NRG3: variants seen among roughly 807,000 people sequenced by gnomAD.
The protein encoded by NRG3 is pro-neuregulin-3, membrane-bound isoform.
NRG3 carries 31 observed loss-of-function variants against 66.9 expected under a neutral mutation model. The ratio of observed to expected loss-of-function variants is 0.46; its 90% CI spans 0.35 to 0.63. The LOEUF (loss-of-function observed/expected upper bound fraction) is 0.63, where lower values mean the gene tolerates loss of function less well. Ranked by LOEUF, NRG3 falls within the 20% of genes least tolerant of loss-of-function variation. NRG3 has a pLI of 0.00. For synonymous variants in NRG3, 393 were observed against 359.4 expected (o/e 1.09, Z -1.06); for missense variants, 910 against 878.9 (o/e 1.04, Z -0.45).
chr10:82,778,388 C>T (rs1290892118), intron 3 of NRG3, among the ~76,000 whole-genome samples: 3 of 152,064 alleles, frequency 2.0e-5, no homozygotes, highest in Non-Finnish European at 4.4e-5. Context: ...CTGGGGAGGC[C>T]TCAGGAAACT....
chr10:82,977,533 T>C (rs2146256), intron 7 of NRG3, among the ~76,000 whole-genome samples: 140,014 of 150,764 alleles, frequency 0.93, 65,020 homozygotes, highest in Middle Eastern at 0.98. Context: ...CACTTGAACC[T>C]GGGAGGTAGA....
chr10:82,030,484 T>G (rs2062514357), intron 1 of NRG3, among the ~76,000 whole-genome samples: 1 of 152,066 alleles, frequency 6.6e-6, no homozygotes, highest in African/African-American at 2.4e-5. Context: ...ATGCAGTAGT[T>G]ACACATAAGA....
chr10:82,793,280 T>C (rs1317417967), intron 3 of NRG3, among the ~76,000 whole-genome samples: 1 of 152,174 alleles, frequency 6.6e-6, no homozygotes, highest in Non-Finnish European at 1.5e-5. Flanking sequence ...CATTTTACTT[T>C]TCCTCTCTGT....
chr10:82,442,530 G>T (rs561093424), intron 2 of NRG3, among the ~76,000 whole-genome samples: 1 of 152,192 alleles, frequency 6.6e-6, no homozygotes, highest in African/African-American at 2.4e-5. Context: ...CTTCAAGAAG[G>T]CTTATGGAAC....
chr10:82,037,054 T>C (rs1309968421), intron 1 of NRG3, among the ~76,000 whole-genome samples: 3 of 152,172 alleles, frequency 2.0e-5, no homozygotes, highest in Non-Finnish European at 4.4e-5. Flanking sequence ...ACTGTTGATT[T>C]ACTTTGAATT....
intron 3 of NRG3, among the ~76,000 whole-genome samples, chr10:82,847,369 A>G (rs1329191989): frequency 6.6e-6 from 1 of 152,214 alleles, no homozygotes; most frequent in Non-Finnish European, 1.5e-5. Context: ...GTAGATATCA[A>G]GTAGGCAAAT....
intron 1 of NRG3, among the ~76,000 whole-genome samples, chr10:82,216,758 C>T (rs533497874): frequency 6.6e-6 from 1 of 152,038 alleles, no homozygotes; most frequent in Non-Finnish European, 1.5e-5. Context: ...TCTGGTGAAT[C>T]TTTCTAAACT....
intron 4 of NRG3, among the ~76,000 whole-genome samples, chr10:82,919,878 A>C (rs1846255232): frequency 6.6e-6 from 1 of 152,182 alleles, no homozygotes; most frequent in South Asian, 2.1e-4. Flanking sequence ...TGACCAAATG[A>C]AAACAAAAAT....
intron 2 of NRG3, among the ~76,000 whole-genome samples, chr10:82,459,630 A>G (rs1222208001): frequency 6.6e-6 from 1 of 152,170 alleles, no homozygotes; most frequent in Non-Finnish European, 1.5e-5. Context: ...TCTCTGCATC[A>G]TCCTTTAAAT....
At chr10:82,034,813 G>GTTTTCTTGTC (rs1256752204) in intron 1 of NRG3, among the ~76,000 whole-genome samples, 1 of 152,030 alleles carries the variant, frequency 6.6e-6, no homozygotes, top group Non-Finnish European at 1.5e-5. Context: ...TGGGCTCAGT[G>GTTTTCTTGTC]AGAGCAGAGG....
chr10:82,547,241 T>C (rs1306855621), intron 2 of NRG3, among the ~76,000 whole-genome samples: 1 of 152,014 alleles, frequency 6.6e-6, no homozygotes, highest in African/African-American at 2.4e-5. Context: ...TAATGCTACA[T>C]AATTTAATTT....
rs1055854987 is a variant in NRG3, at chr10:82,926,995, G to A, written c.1055-24474G>A. ...GGTCTCCAGTTTAGTTTTCTGGGAA[G>A]GGCTCTCCCTGGCTCAGTTCCTCAG... is the stretch of plus-strand genomic sequence containing the variant. On this transcript the variant is annotated intron_variant, in intron 4 of 8. Transcript: ENST00000372141. Among the ~76,000 whole-genome samples, 3 of 152,116 alleles carry A rather than the reference G, an allele frequency of 2.0e-5. No homozygotes were observed. The East Asian group carries it at 5.8e-4, about 29-fold the overall frequency.
intron 3 of NRG3, among the ~76,000 whole-genome samples, chr10:82,777,891 A>T (rs368550877): frequency 5.0e-4 from 76 of 152,346 alleles, no homozygotes; most frequent in African/African-American, 1.7e-3. Flanking sequence ...AGGGGGCAAT[A>T]CAAAGGTATC....
At chr10:82,654,884 A>G (rs1048191278) in intron 2 of NRG3, among the ~76,000 whole-genome samples, 2 of 152,074 alleles carry the variant, frequency 1.3e-5, no homozygotes, top group Non-Finnish European at 2.9e-5. Context: ...ATATATTTTT[A>G]AAGTGTTATA....
At chr10:82,081,171 C>T (rs994027327) in intron 1 of NRG3, among the ~76,000 whole-genome samples, 1 of 152,066 alleles carries the variant, frequency 6.6e-6, no homozygotes, top group Non-Finnish European at 1.5e-5. Flanking sequence ...ATCTGACATC[C>T]CACGGTTTAA....
chr10:82,974,576 G>T (rs1434066478), intron 7 of NRG3, among the ~76,000 whole-genome samples: 1 of 152,204 alleles, frequency 6.6e-6, no homozygotes, highest in Non-Finnish European at 1.5e-5. Flanking sequence ...AAATGATGAA[G>T]TTTATGACTA....
At chr10:82,321,386 A>G (rs1401604336) in intron 1 of NRG3, among the ~76,000 whole-genome samples, 4 of 152,156 alleles carry the variant, frequency 2.6e-5, no homozygotes, top group African/African-American at 9.7e-5. Context: ...ATGTACCAAA[A>G]CCTGCGTTGA....
At chr10:81,884,551 A>C (rs1842452488) in intron 1 of NRG3, among the ~76,000 whole-genome samples, 1 of 152,228 alleles carries the variant, frequency 6.6e-6, no homozygotes, top group Non-Finnish European at 1.5e-5. Flanking sequence ...AAACAACAAC[A>C]CAACAATTAA....
rs1165507796 is a variant in NRG3 at position 82,014,145 on chromosome 10, A to G, written c.823+137982A>G. Reference sequence around the variant, plus strand: ...GGAAAATGATTGTAGCTCTTGAGGAATTTAGAAAGGGAGAGATCTTTAGGG... The same window carrying G: ...GGAAAATGATTGTAGCTCTTGAGGAGTTTAGAAAGGGAGAGATCTTTAGGG... On this transcript the variant is annotated intron_variant, in intron 1 of 8. Coordinates refer to ENST00000372141, the MANE Select transcript of NRG3 (RefSeq NM_001010848.4). Among the ~76,000 whole-genome samples the G allele has an allele frequency of 2.6e-5, 4 of 152,190 alleles. No homozygotes were observed. In the South Asian group the frequency reaches 6.2e-4, roughly 24 times the overall value.
Sources: allele counts gnomAD v4.1 joint callset (sites outside exome capture counted in the v4.1 genomes callset), GRCh38; gene constraint gnomAD v4.1.1; transcripts MANE v1.5; gene names NCBI Gene and HGNC (gene_info 2026-07-23, HGNC 2026-07-21).